Variants in ATP10B observed in about 807,000 individuals in gnomAD.
The protein encoded by ATP10B is phospholipid-transporting ATPase VB.
Under a neutral mutation model 141.2 loss-of-function variants are expected in ATP10B, and 122 were observed. The observed-to-expected ratio is 0.86, with a 90% CI of 0.75 to 1.00. The LOEUF is 1.00. Ranked by LOEUF, ATP10B falls within the 50% of genes least tolerant of loss-of-function variation. ATP10B has a pLI of 0.00. For synonymous variants in ATP10B, 685 were observed against 692.0 expected (o/e 0.99, Z 0.16); for missense variants, 1,876 against 1,825.3 (o/e 1.03, Z -0.51).
At chr5:160,862,458 AT>A in the ATP10B span, among the ~76,000 whole-genome samples, 1 of 151,952 alleles carries the variant, frequency 6.6e-6, no homozygotes, top group Non-Finnish European at 1.5e-5. Context: ...ATTTCTTGCA[AT>A]AAGTTTATTC....
chr5:160,645,207 A>C (rs1437551554), intron 8 of ATP10B, among the ~76,000 whole-genome samples: 2 of 151,822 alleles, frequency 1.3e-5, no homozygotes, highest in Admixed American at 1.3e-4. Context: ...GTCACTTTAA[A>C]AAACAAATAA....
chr5:160,601,309 T>A lies in ATP10B; in HGVS notation c.3363+1268A>T, dbSNP rs1326542256. Among the ~76,000 whole-genome samples the A allele has an allele frequency of 4.6e-5, 7 of 152,304 alleles. No individual in the cohort carries two copies. The East Asian group carries it at 1.3e-3, about 29-fold the overall frequency. On this transcript the variant is annotated intron_variant, in intron 21 of 25. Coordinates refer to ENST00000327245, the MANE Select transcript of ATP10B (RefSeq NM_025153.3). The stretch of plus-strand genomic sequence containing the variant: ...GAAAGACTGGAGCAAGAGGAAAAAT[T>A]GCAATTTTGTAGCTACTACCTGGCT...
chr5:160,670,180 G>C (rs969007713), intron 7 of ATP10B, among the ~76,000 whole-genome samples: 1 of 152,118 alleles, frequency 6.6e-6, no homozygotes, highest in African/African-American at 2.4e-5. Flanking sequence ...TCAGAGCAGA[G>C]AGTATAGTTT....
chr5:160,819,344 A>T (rs903127084), intron 1 of ATP10B, among the ~76,000 whole-genome samples: 2 of 152,190 alleles, frequency 1.3e-5, no homozygotes, highest in Admixed American at 6.6e-5. Flanking sequence ...TTCTTCAAGC[A>T]TGAAGGAGAA....
At chr5:160,854,666 A>T (rs1753954221), upstream of ATP10B, among the ~76,000 whole-genome samples, 1 of 152,154 alleles carries the variant, frequency 6.6e-6, no homozygotes, top group Admixed American at 6.6e-5. Flanking sequence ...AGAATGACTT[A>T]TAGGGTATAT....
rs759550109 is a variant in ATP10B at position 160,632,192 on chromosome 5, G to A, written c.1557C>T (p.Tyr519=). ...QSARVPIQGH[Y]RQRSMGHRES... is the part of the protein sequence containing the mutation. ...CACGGTGCCCCATAGACCTTTGCCGGTAGTGGCCCTGGATGGGCACCCGGG... is the reference window on the plus strand; with the variant it reads ...CACGGTGCCCCATAGACCTTTGCCGATAGTGGCCCTGGATGGGCACCCGGG... The change falls in exon 13 of 26, where the codon TAC becomes TAT. Residue 519 remains tyrosine (Y), a synonymous_variant. Coordinates refer to ENST00000327245, the MANE Select transcript of ATP10B (RefSeq NM_025153.3). The A allele has an allele frequency of 3.7e-6, 6 of 1,614,208 alleles. No individual in the cohort carries two copies. In the South Asian group the frequency reaches 6.6e-5, roughly 18 times the overall value.
chr5:160,634,012 T>G, intron 12 of ATP10B: 1 of 387,444 alleles, frequency 2.6e-6, no homozygotes, highest in Non-Finnish European at 4.9e-6. Context: ...TCCTAAGCCT[T>G]GGTTGTGTGA....
intron 6 of ATP10B, among the ~76,000 whole-genome samples, chr5:160,673,921 G>T (rs185354658): frequency 3.9e-5 from 6 of 152,226 alleles, no homozygotes; most frequent in African/African-American, 1.4e-4. Flanking sequence ...TTTTCTTTTT[G>T]AGAGAGTGCT....
At chr5:160,861,959 T>C in the ATP10B span, among the ~76,000 whole-genome samples, 1 of 152,024 alleles carries the variant, frequency 6.6e-6, no homozygotes, top group Admixed American at 6.6e-5. Flanking sequence ...AATTTTTCTT[T>C]CATATTTGGA....
At chr5:160,583,075 T>G (rs111930446) in intron 24 of ATP10B, among the ~76,000 whole-genome samples, 2,486 of 152,334 alleles carry the variant, frequency 0.016, 69 homozygotes, top group African/African-American at 0.056. Flanking sequence ...TGAAGCCTAC[T>G]TCTGTCAATT....
chr5:160,664,392 G>A (rs920434309), intron 7 of ATP10B, among the ~76,000 whole-genome samples: 14 of 152,196 alleles, frequency 9.2e-5, no homozygotes, highest in East Asian at 3.9e-4. Flanking sequence ...TTTCACTGCA[G>A]AGGATCCAAG....
intron 2 of ATP10B, among the ~76,000 whole-genome samples, chr5:160,728,783 G>A (rs201265690): frequency 3.7e-5 from 3 of 80,412 alleles, no homozygotes; most frequent in South Asian, 5.1e-4. Context: ...ACTGTTTCAC[G>A]GAACCCTTTT....
At chr5:160,768,121 T>C (rs1769612656) in intron 2 of ATP10B, among the ~76,000 whole-genome samples, 1 of 152,142 alleles carries the variant, frequency 6.6e-6, no homozygotes, top group African/African-American at 2.4e-5. Context: ...GGAATCTTGG[T>C]CATTACCATC....
intron 7 of ATP10B, among the ~76,000 whole-genome samples, chr5:160,662,272 C>T (rs1761984381): frequency 6.6e-6 from 1 of 152,156 alleles, no homozygotes; most frequent in Non-Finnish European, 1.5e-5. Flanking sequence ...CAATGACTTT[C>T]TTCACAGAAT....
the ATP10B span, among the ~76,000 whole-genome samples, chr5:160,896,688 C>T: frequency 6.6e-6 from 1 of 152,182 alleles, no homozygotes; most frequent in South Asian, 2.1e-4. Flanking sequence ...CTCCCTAACT[C>T]ATTTTATGAG....
intron 22 of ATP10B, among the ~76,000 whole-genome samples, chr5:160,593,927 C>T (rs530110738): frequency 2.2e-4 from 34 of 152,214 alleles, no homozygotes; most frequent in Non-Finnish European, 2.9e-4. Flanking sequence ...CTGAAAGTGA[C>T]GGGGAGAAAG....
chr5:160,687,628 G>T (rs985881726), intron 5 of ATP10B, among the ~76,000 whole-genome samples, 172 bp downstream of exon 5: 1 of 152,094 alleles, frequency 6.6e-6, no homozygotes, highest in Non-Finnish European at 1.5e-5. Context: ...TGCCGGGCAT[G>T]GTGGTGCACG....
At chr5:160,574,671 T>G (rs952916589) in intron 24 of ATP10B, among the ~76,000 whole-genome samples, 1 of 152,206 alleles carries the variant, frequency 6.6e-6, no homozygotes, top group Non-Finnish European at 1.5e-5. Flanking sequence ...AGATCTTCCT[T>G]CATGAATGAA....
intron 1 of ATP10B, among the ~76,000 whole-genome samples, chr5:160,796,397 G>A (rs1163504402): frequency 6.6e-6 from 1 of 152,220 alleles, no homozygotes; most frequent in Non-Finnish European, 1.5e-5. Flanking sequence ...AATAGTAGTA[G>A]GAAGGGTAAC....
Sources: allele counts gnomAD v4.1 joint callset (sites outside exome capture counted in the v4.1 genomes callset), GRCh38; gene constraint gnomAD v4.1.1; transcripts MANE v1.5; gene names NCBI Gene and HGNC (gene_info 2026-07-23, HGNC 2026-07-21).